Variants in RPA1 observed in about 807,000 individuals in gnomAD.
RPA1 encodes replication protein A 70 kDa DNA-binding subunit.
Under a neutral mutation model 83.0 loss-of-function variants are expected in RPA1, and 49 were observed. The ratio of observed to expected loss-of-function variants is 0.59; its 90% CI spans 0.47 to 0.75. The LOEUF (loss-of-function observed/expected upper bound fraction) is 0.75. RPA1 is among the 30% of genes least tolerant of loss of function. The pLI is 0.00. For synonymous variants in RPA1, 279 were observed against 281.8 expected (o/e 0.99, Z 0.10); for missense variants, 693 against 776.1 (o/e 0.89, Z 1.27).
At chr17:1,894,712 G>A (rs957370926) in intron 15 of RPA1, among the ~76,000 whole-genome samples, 1 of 152,174 alleles carries the variant, frequency 6.6e-6, no homozygotes, top group African/African-American at 2.4e-5. Flanking sequence ...GAGACACACT[G>A]TTCATGGGTG....
At chr17:1,895,659 G>GTAGTATTTATTTATT (rs1555596987) in intron 16 of RPA1, among the ~76,000 whole-genome samples, 5 of 141,812 alleles carry the variant, frequency 3.5e-5, no homozygotes, top group Admixed American at 2.1e-4. Context: ...ATACCATATA[G>GTAGTATTTATTTATT]TATTTATTTA....
chr17:1,894,123 T>A (rs753820599), intron 15 of RPA1, among the ~76,000 whole-genome samples: 1 of 151,300 alleles, frequency 6.6e-6, no homozygotes, highest in Non-Finnish European at 1.5e-5. Context: ...CCCACCTCGG[T>A]CTCCCAAAAC....
chr17:1,846,656 T>C (rs4790291), intron 4 of RPA1, among the ~76,000 whole-genome samples: 62,646 of 151,972 alleles, frequency 0.41, 13,215 homozygotes, highest in East Asian at 0.54. Context: ...GTGGTATGCT[T>C]GTTCAGTCTG....
chr17:1,863,915 G>A (rs1265189653), intron 5 of RPA1, among the ~76,000 whole-genome samples: 1 of 152,138 alleles, frequency 6.6e-6, no homozygotes, highest in Non-Finnish European at 1.5e-5. Flanking sequence ...ATAATTTATA[G>A]AAAAGAAATG....
chr17:1,891,535 T>TCCCGGGTTCAAGTGATTCTCCCGCCC, intron 14 of RPA1: 4 of 178,520 alleles, frequency 2.2e-5, no homozygotes, highest in Non-Finnish European at 3.5e-5. Context: ...TTCTCCCGCC[T>TCCCGGGTTCAAGTGATTCTCCCGCCC]CAGCCTCCTG....
chr17:1,843,481 G>GTC (rs1221880062), intron 2 of RPA1, among the ~76,000 whole-genome samples: 1 of 151,722 alleles, frequency 6.6e-6, no homozygotes, highest in Non-Finnish European at 1.5e-5. Flanking sequence ...CATCACTTAC[G>GTC]TCTCTCTGCC....
intron 6 of RPA1, among the ~76,000 whole-genome samples, chr17:1,872,800 C>G (rs929258246): frequency 6.9e-6 from 1 of 144,736 alleles, no homozygotes; most frequent in Non-Finnish European, 1.5e-5. Flanking sequence ...GCAGCCTTAA[C>G]CTCCCAAGTA....
chr17:1,879,845 C>G, intron 11 of RPA1, 146 bp downstream of exon 11: 2 of 990,558 alleles, frequency 2.0e-6, no homozygotes, highest in Non-Finnish European at 3.0e-6. Flanking sequence ...AGGATGGGGC[C>G]TTCAGCACAC....
In RPA1 at chr17:1,898,954, C is replaced by G. The variant is rs200849976; in HGVS notation, c.*1779C>G. The G allele has an allele frequency of 9.8e-5, 15 of 152,968 alleles. No individual in the cohort carries two copies. The highest frequency in any genetic ancestry group is 9.1e-4 in the Admixed American group (14 of 15,304). The allele number at this position is 152,968 out of a possible 1,614,324, so 9.5% of individuals were successfully genotyped here. On this transcript the variant is annotated 3_prime_UTR_variant, in exon 17 of 17. Transcript: ENST00000254719. ...CAGCCCAGTAACCAGTCTTTCATGC[C>G]TACTACTCCCAGCATTCCCTCCTCT... is the stretch of plus-strand genomic sequence containing the variant.
intron 2 of RPA1, 81 bp downstream of exon 2, chr17:1,842,934 C>A: frequency 7.0e-7 from 1 of 1,438,006 alleles, no homozygotes; most frequent in Non-Finnish European, 9.8e-7. Context: ...GAAGGACAGA[C>A]AGATTTGTCC....
intron 14 of RPA1, among the ~76,000 whole-genome samples, chr17:1,891,307 C>G (rs1296999614): frequency 6.6e-6 from 1 of 152,162 alleles, no homozygotes; most frequent in Non-Finnish European, 1.5e-5. Flanking sequence ...GTCTGGGTGC[C>G]CAGCAGTGAC....
chr17:1,859,788 G>A (rs997770864), intron 5 of RPA1, among the ~76,000 whole-genome samples: 1 of 151,976 alleles, frequency 6.6e-6, no homozygotes, highest in Non-Finnish European at 1.5e-5. Flanking sequence ...GTGCCACCAC[G>A]CCCAGCTAAT....
intron 4 of RPA1, among the ~76,000 whole-genome samples, chr17:1,851,511 GTCA>G (rs1381469380): frequency 6.6e-6 from 1 of 152,130 alleles, no homozygotes; most frequent in Non-Finnish European, 1.5e-5. Context: ...ATGTGTCCTT[GTCA>G]TCTGTATTCT....
At chr17:1,858,151 C>T (rs955786876) in intron 5 of RPA1, 9 of 1,613,944 alleles carry the variant, frequency 5.6e-6, no homozygotes, top group African/African-American at 2.7e-5. Context: ...CATCAAGTGT[C>T]GGATCCCATT....
At chr17:1,846,339 T>C (rs960401896) in intron 4 of RPA1, among the ~76,000 whole-genome samples, 21 of 117,660 alleles carry the variant, frequency 1.8e-4, no homozygotes, top group East Asian at 3.0e-4. Context: ...TTTTTTCTCC[T>C]GAGGCCTCAC....
rs114077511 is a variant in RPA1, at chr17:1,882,016, G to A, written c.1241+1325G>A. On this transcript the variant is annotated intron_variant, in intron 12 of 16. Transcript: ENST00000254719. ...CTGTGCCCCTGTGAGGGATTTAGCC[G>A]CTTACCTGACAGGAGAAGGCAGCTG... 4.9e-3 allele frequency among the ~76,000 whole-genome samples: 740 copies of A among 152,048 alleles called. 4 individuals are homozygous for A. Among genetic ancestry groups the A allele is most frequent in the African/African-American group, 0.012 (504 of 41,542 alleles).
At chr17:1,858,754 C>T (rs1201790854) in intron 5 of RPA1, among the ~76,000 whole-genome samples, 2 of 151,944 alleles carry the variant, frequency 1.3e-5, no homozygotes, top group African/African-American at 2.4e-5. Context: ...CATGAGCCAT[C>T]GTGCCAGCCA....
rs76469355 is a variant in RPA1, at chr17:1,884,985, A to C, written c.1374+1041A>C. 1.6e-3 allele frequency among the ~76,000 whole-genome samples: 247 copies of C among 152,348 alleles called. No individual in the cohort carries two copies. The highest frequency in any genetic ancestry group is 6.8e-3 in the Middle Eastern group (2 of 294). ...CGTGTCTTTGGCAGTTTCTTAAAAT[A>C]AGACAGCAGTGAAGTGTGCCACATT... On this transcript the variant is annotated intron_variant, in intron 13 of 16. Transcript: ENST00000254719. This position sits in a 1 kb window ranked among gnomAD's most constrained non-coding sequence, Gnocchi z 4.1.
At position 1,884,418 on chromosome 17, in the gene RPA1, C is replaced by T. The variant is rs1329014179; in HGVS notation, c.1374+474C>T. Among the ~76,000 whole-genome samples the T allele has an allele frequency of 2.0e-5, 3 of 152,152 alleles. No homozygotes were observed. Among genetic ancestry groups the T allele is most frequent in the East Asian group, 3.8e-4 (2 of 5,196 alleles). The stretch of plus-strand genomic sequence containing the variant: ...ATTAACCTCATAGGCTGAGAGCTGC[C>T]GGCATTCCCGGACAAGGATTGGCCC... On this transcript the variant is annotated intron_variant, in intron 13 of 16. Transcript: ENST00000254719. The surrounding 1 kb of genome is among the most constrained non-coding windows in gnomAD (Gnocchi z 4.1).
Sources: allele counts gnomAD v4.1 joint callset (sites outside exome capture counted in the v4.1 genomes callset), GRCh38; gene constraint gnomAD v4.1.1; non-coding constraint Gnocchi (gnomAD v3.1); transcripts MANE v1.5; gene names NCBI Gene and HGNC (gene_info 2026-07-23, HGNC 2026-07-21).